The following NFATC1 variants were observed in gnomAD, a reference collection of about 807,000 sequenced individuals.
NFATC1 encodes nuclear factor of activated T cells 1, also known as nuclear factor of activated T-cells, cytoplasmic 1.
Under a neutral mutation model 76.0 loss-of-function variants are expected in NFATC1, and 22 were observed. The observed-to-expected ratio is 0.29, with a 90% CI of 0.21 to 0.41. NFATC1 has a LOEUF of 0.41. Ranked by LOEUF, NFATC1 falls within the 10% of genes least tolerant of loss-of-function variation. The probability of loss-of-function intolerance (pLI) is 1.00; values close to 1 mark genes in which losing one functional copy is unlikely to be tolerated. For missense variants in NFATC1, 1,357 were observed against 1,337.7 expected (o/e 1.01, Z -0.23); for synonymous variants, 704 against 613.1 (o/e 1.15, Z -2.19).
chr18:79,411,506 G>T lies in NFATC1; in HGVS notation c.1226+5G>T. ...GTCCCCTACGTCCTACATGAGGTGA[G>T]CCGGCAGCGCGGGGCGGGACGGGGA... On this transcript the variant is annotated splice_donor_5th_base_variant and intron_variant, in intron 2 of 9. Transcript: ENST00000427363. The T allele has an allele frequency of 6.8e-7, 1 of 1,476,244 alleles. No individual in the cohort carries two copies. The highest frequency in any genetic ancestry group is 9.0e-7 in the Non-Finnish European group (1 of 1,115,222). 91.4% of individuals were successfully genotyped at this position (1,476,244 alleles called of 1,614,324 possible).
chr18:79,504,074 C>A (rs1056951008), intron 9 of NFATC1, among the ~76,000 whole-genome samples: 6 of 152,144 alleles, frequency 3.9e-5, no homozygotes, highest in African/African-American at 1.2e-4. Context: ...CCAGATCACT[C>A]GGACTTTCTC....
chr18:79,450,480 A>G lies in NFATC1; in HGVS notation c.1590-474A>G, dbSNP rs879529945. Reference sequence around the variant, plus strand: ...ATATATAATTATTGTAAATGATAATAATAAATTGAGCTTTTTGGGAACTAC... The same window carrying G: ...ATATATAATTATTGTAAATGATAATGATAAATTGAGCTTTTTGGGAACTAC... On this transcript the variant is annotated intron_variant, in intron 4 of 9. Coordinates refer to ENST00000427363, the MANE Select transcript of NFATC1 (RefSeq NM_001278669.2). 2.3e-4 allele frequency among the ~76,000 whole-genome samples: 34 copies of G among 150,580 alleles called. 1 individual carries two copies. The highest frequency in any genetic ancestry group is 2.1e-3 in the Admixed American group (31 of 15,054).
intron 1 of NFATC1, among the ~76,000 whole-genome samples, chr18:79,401,469 G>C (rs1360120278): frequency 1.3e-5 from 2 of 152,232 alleles, no homozygotes; most frequent in East Asian, 3.8e-4. Flanking sequence ...CCTGGGCCTG[G>C]GTTCTAGGTC....
chr18:79,516,492 C>T (rs984287548), intron 9 of NFATC1, among the ~76,000 whole-genome samples: 3 of 152,188 alleles, frequency 2.0e-5, no homozygotes, highest in Non-Finnish European at 2.9e-5. Flanking sequence ...AATGTGGTGG[C>T]TCCTCGACTG....
chr18:79,465,517 G>A lies in NFATC1; in HGVS notation c.1960-1933G>A, dbSNP rs983067055. ...AGCCAGCCTGGCCCATGTGGTCCCC[G>A]CCTCCACCCATCCAGCCTGTCCCAC... On this transcript the variant is annotated intron_variant, in intron 7 of 9. Coordinates refer to ENST00000427363, the MANE Select transcript of NFATC1 (RefSeq NM_001278669.2). This position sits in a 1 kb window ranked among gnomAD's most constrained non-coding sequence, Gnocchi z 4.2. Among the ~76,000 whole-genome samples the A allele has an allele frequency of 4.0e-5, 6 of 150,312 alleles. No individual in the cohort carries two copies. Among genetic ancestry groups the A allele is most frequent in the East Asian group, 2.0e-4 (1 of 5,078 alleles).
At chr18:79,450,295 T>C (rs2087409391) in intron 4 of NFATC1, among the ~76,000 whole-genome samples, 1 of 152,054 alleles carries the variant, frequency 6.6e-6, no homozygotes, top group Non-Finnish European at 1.5e-5. Flanking sequence ...TGAATGAAAT[T>C]GTTAAGAGGT....
At chr18:79,518,815 T>C (rs1458445188) in intron 9 of NFATC1, among the ~76,000 whole-genome samples, 2 of 152,228 alleles carry the variant, frequency 1.3e-5, no homozygotes, top group Non-Finnish European at 2.9e-5. Context: ...CCGGTGTCCC[T>C]CAGTGGACGG....
intron 9 of NFATC1, among the ~76,000 whole-genome samples, chr18:79,510,823 G>A (rs1416837099): frequency 1.6e-4 from 2 of 12,848 alleles, no homozygotes; most frequent in South Asian, 1.1e-3. Flanking sequence ...CTCCTCTGCC[G>A]GGGCATCCTC....
intron 7 of NFATC1, among the ~76,000 whole-genome samples, chr18:79,462,347 T>C (rs1232040273): frequency 2.6e-5 from 4 of 152,148 alleles, no homozygotes; most frequent in Admixed American, 2.6e-4. Context: ...TTTGTTTTTG[T>C]TTTTTTGAAA....
chr18:79,473,733 ACT>A (rs532968439), intron 8 of NFATC1, among the ~76,000 whole-genome samples: 173 of 135,560 alleles, frequency 1.3e-3, no homozygotes, highest in African/African-American at 4.8e-3. Flanking sequence ...GTGTTCTCAC[ACT>A]CACTGTCGAC....
chr18:79,460,679 C>A (rs1055638889), intron 6 of NFATC1, among the ~76,000 whole-genome samples: 5 of 152,224 alleles, frequency 3.3e-5, no homozygotes, highest in Admixed American at 3.3e-4. Flanking sequence ...TTCTCATTTA[C>A]CCAGTGGTTC....
At chr18:79,469,538 C>T (rs2088687797) in intron 8 of NFATC1, 3 of 985,780 alleles carry the variant, frequency 3.0e-6, no homozygotes, top group Admixed American at 6.2e-5. Flanking sequence ...TCCTGTCCTA[C>T]CAGCCACACT....
In NFATC1 at chr18:79,410,438, G is replaced by T. The variant is rs755428183; in HGVS notation, c.163G>T (p.Ala55Ser). The T allele has an allele frequency of 6.2e-7, 1 of 1,611,272 alleles. No individual in the cohort carries two copies. Among genetic ancestry groups the T allele is most frequent in the Non-Finnish European group, 8.5e-7 (1 of 1,179,598 alleles). Residue 55 changes from alanine to serine, a missense_variant, in exon 2 of 10, where the codon GCC becomes TCC. Coordinates refer to ENST00000427363, the MANE Select transcript of NFATC1 (RefSeq NM_001278669.2). This position sits in a 1 kb window ranked among gnomAD's most constrained non-coding sequence, Gnocchi z 6.7. ...YGYASSNVSP[A>S]LPLPTAHSTL... is the part of the protein sequence containing the mutation. ...CTATGCATCCTCCAACGTCAGCCCC[G>T]CCCTGCCGCTCCCCACGGCGCACTC...
intron 8 of NFATC1, chr18:79,467,889 A>T: frequency 8.5e-7 from 1 of 1,173,236 alleles, no homozygotes. Context: ...GCTCCAAAAA[A>T]CTGAGGGGGT....
At chr18:79,525,541 G>A (rs998556413) in intron 9 of NFATC1, among the ~76,000 whole-genome samples, 2 of 149,770 alleles carry the variant, frequency 1.3e-5, no homozygotes, top group African/African-American at 5.0e-5. Context: ...ACGTCCCACC[G>A]TCGTTACCTC....
Position 79,411,254 on chromosome 18 carries a change from C to A in NFATC1, c.979C>A (p.Leu327Met). Residue 327 changes from leucine (L) to methionine (M), a missense_variant, in exon 2 of 10, where the codon CTG (leucine) becomes ATG (methionine). Physicochemically the swap from Leu to Met is conservative, Grantham distance 15. Around this residue, in one of 3 missense-constraint regions of NFATC1, gnomAD observed 691 missense variants for 613.1 expected, o/e 1.13. Coordinates refer to ENST00000427363, the MANE Select transcript of NFATC1 (RefSeq NM_001278669.2). ...GCTGACCACCGACAGCAGCCTGGAC[C>A]TGGGAGATGGCGTCCCTGTCAAGTC... Reference protein sequence around the residue: ...NALTTDSSLDLGDGVPVKSRK... With the variant: ...NALTTDSSLDMGDGVPVKSRK... 1 of 1,603,474 alleles carries A rather than the reference C, an allele frequency of 6.2e-7. No individual in the cohort carries two copies.
At chr18:79,458,964 C>T (rs2087901740) in intron 6 of NFATC1, among the ~76,000 whole-genome samples, 1 of 152,246 alleles carries the variant, frequency 6.6e-6, no homozygotes, top group Admixed American at 6.5e-5. Flanking sequence ...TAAGCAGAAA[C>T]AGAAAGCCTG....
intron 8 of NFATC1, among the ~76,000 whole-genome samples, chr18:79,477,528 T>C (rs556786690): frequency 1.3e-5 from 2 of 152,188 alleles, no homozygotes; most frequent in South Asian, 4.2e-4. Context: ...GTCTCAGTCT[T>C]TGGGGCTTCC....
intron 3 of NFATC1, among the ~76,000 whole-genome samples, chr18:79,442,786 C>A (rs9709477): frequency 0.1 from 15,798 of 152,172 alleles, 1,088 homozygotes; most frequent in Non-Finnish European, 0.15. Context: ...GTCTGGGGCC[C>A]CAGCCCGGAG....
Sources: gnomAD v4.1 joint callset for allele counts (sites outside exome capture counted in the v4.1 genomes callset) on GRCh38, gnomAD v4.1.1 for gene constraint, gnomAD v4.1.1 regional missense constraint, Gnocchi (gnomAD v3.1) non-coding constraint, MANE v1.5 for transcripts, NCBI Gene and HGNC (gene_info 2026-07-23, HGNC 2026-07-21) for gene names.